SHROOM3: variants seen among roughly 807,000 people sequenced by gnomAD.
SHROOM3 encodes shroom family member 3.
In SHROOM3, 47 loss-of-function variants were observed where a neutral mutation model predicts 138.6. The observed-to-expected ratio is 0.34, with a 90% CI of 0.27 to 0.43. The LOEUF (loss-of-function observed/expected upper bound fraction) is 0.43, where lower values mean the gene tolerates loss of function less well. Ranked by LOEUF, SHROOM3 falls within the 20% of genes least tolerant of loss-of-function variation. The pLI, the probability that SHROOM3 is intolerant of heterozygous loss-of-function variation, is 1.00. For synonymous variants in SHROOM3, 1,062 were observed against 1,063.3 expected, an observed-to-expected ratio of 1.00 and a Z score of 0.02; for missense variants, 2,491 against 2,596.5, an observed-to-expected ratio of 0.96 and a Z score of 0.88.
intron 1 of SHROOM3, among the ~76,000 whole-genome samples, chr4:76,444,212 G>A (rs1404240367): frequency 6.6e-6 from 1 of 151,792 alleles, no homozygotes; most frequent in Non-Finnish European, 1.5e-5. Flanking sequence ...ACCACGCCTG[G>A]CCTAAACCTT....
Position 76,739,682 on chromosome 4 carries a change from C to G in SHROOM3, c.1509C>G (p.Ala503=). ...TGGCCAAGGAGAGTGGATACATAGCCCCTCAGGGAGCATGCAACAAGATGG... is the reference window on the plus strand; with the variant it reads ...TGGCCAAGGAGAGTGGATACATAGCGCCTCAGGGAGCATGCAACAAGATGG... ...PALAKESGYI[A]PQGACNKMAT... The change falls in exon 5 of 11, where the codon GCC becomes GCG. Residue 503 remains alanine (A), a synonymous_variant. Transcript: ENST00000296043. 1 of 1,614,152 alleles carries G rather than the reference C, an allele frequency of 6.2e-7. No homozygotes were observed. Among genetic ancestry groups the G allele is most frequent in the Admixed American group, 1.7e-5 (1 of 60,018 alleles).
chr4:76,599,913 C>T (rs954995455), intron 2 of SHROOM3, among the ~76,000 whole-genome samples: 2 of 152,132 alleles, frequency 1.3e-5, no homozygotes, highest in African/African-American at 4.8e-5. Flanking sequence ...CCTGGAATCC[C>T]AGCACTTTGG....
intron 1 of SHROOM3, among the ~76,000 whole-genome samples, chr4:76,437,064 C>T (rs1730577841): frequency 6.6e-6 from 1 of 152,050 alleles, no homozygotes; most frequent in Non-Finnish European, 1.5e-5. Flanking sequence ...ATATGGATTG[C>T]ATTTGAGCTC....
intron 1 of SHROOM3, among the ~76,000 whole-genome samples, chr4:76,524,426 G>A (rs1732636580): frequency 6.6e-6 from 1 of 152,208 alleles, no homozygotes; most frequent in Admixed American, 6.5e-5. Flanking sequence ...AGACTGACTG[G>A]GGTGGACAGG....
chr4:76,490,365 A>G (rs184362532), intron 1 of SHROOM3, among the ~76,000 whole-genome samples: 5 of 152,270 alleles, frequency 3.3e-5, no homozygotes, highest in African/African-American at 1.2e-4. Context: ...CCCATCTGAC[A>G]TGCAGAAAAG....
chr4:76,587,930 G>A (rs1035848735), intron 2 of SHROOM3, among the ~76,000 whole-genome samples: 4 of 152,110 alleles, frequency 2.6e-5, no homozygotes, highest in African/African-American at 4.8e-5. Flanking sequence ...ATCTACCTTC[G>A]GTTATGAATT....
At chr4:76,482,355 C>G (rs181077199) in intron 1 of SHROOM3, among the ~76,000 whole-genome samples, 117 of 152,214 alleles carry the variant, frequency 7.7e-4, no homozygotes, top group Non-Finnish European at 7.8e-4. Flanking sequence ...TTCCTATATA[C>G]CAATAATAGA....
At chr4:76,670,289 C>T (rs564812502) in intron 2 of SHROOM3, among the ~76,000 whole-genome samples, 2 of 152,294 alleles carry the variant, frequency 1.3e-5, no homozygotes, top group African/African-American at 4.8e-5. Context: ...AAACATGCTA[C>T]AACACAGACG....
intron 2 of SHROOM3, among the ~76,000 whole-genome samples, chr4:76,621,078 A>G (rs1734994409): frequency 6.6e-6 from 1 of 151,976 alleles, no homozygotes; most frequent in African/African-American, 2.4e-5. Flanking sequence ...AGCTGGTTTC[A>G]GTGGGATTTC....
At chr4:76,713,111 C>T (rs1026122339) in intron 3 of SHROOM3, among the ~76,000 whole-genome samples, 12 of 152,168 alleles carry the variant, frequency 7.9e-5, no homozygotes, top group African/African-American at 1.9e-4. Context: ...ACGTGAAGGC[C>T]GGTACTGTGC....
chr4:76,619,879 T>C (rs1158013019), intron 2 of SHROOM3, among the ~76,000 whole-genome samples: 1 of 151,820 alleles, frequency 6.6e-6, no homozygotes, highest in Non-Finnish European at 1.5e-5. Context: ...CTGGCCAACA[T>C]GGCAAAACCC....
chr4:76,512,899 G>A (rs1480209454), intron 1 of SHROOM3, among the ~76,000 whole-genome samples: 1 of 152,200 alleles, frequency 6.6e-6, no homozygotes, highest in Non-Finnish European at 1.5e-5. Context: ...GAAGAAACAA[G>A]GTGGATTGGA....
Position 76,762,773 on chromosome 4 carries a change from T to C in SHROOM3, c.5349+3078T>C, listed in dbSNP as rs947396070. ...CACTGTGTCTGCTTTCCTGGAACTT[T>C]AGACTGGCAAGAGAGGTGGATTATT... On this transcript the variant is annotated intron_variant, in intron 9 of 10. Coordinates refer to ENST00000296043, the MANE Select transcript of SHROOM3 (RefSeq NM_020859.4). 1.1e-4 allele frequency among the ~76,000 whole-genome samples: 17 copies of C among 152,184 alleles called. 1 individual carries two copies. The highest frequency in any genetic ancestry group is 1.1e-3 in the Admixed American group (17 of 15,286).
chr4:76,524,826 C>T (rs752986975), intron 1 of SHROOM3, among the ~76,000 whole-genome samples: 44 of 152,124 alleles, frequency 2.9e-4, no homozygotes, highest in Non-Finnish European at 4.9e-4. Context: ...CCAGGGGTTA[C>T]GGTAACACAC....
chr4:76,484,323 G>A (rs369944569), intron 1 of SHROOM3, among the ~76,000 whole-genome samples: 7 of 152,010 alleles, frequency 4.6e-5, no homozygotes, highest in Admixed American at 2.6e-4. Context: ...TGTCATCCCC[G>A]CACTTTGAGA....
At chr4:76,554,320 T>A (rs1342815955) in intron 1 of SHROOM3, among the ~76,000 whole-genome samples, 1 of 152,198 alleles carries the variant, frequency 6.6e-6, no homozygotes, top group Admixed American at 6.5e-5. Flanking sequence ...TAATATTCCA[T>A]TGTCTGAATG....
chr4:76,779,807 A>G lies in SHROOM3; in HGVS notation c.*630A>G, dbSNP rs929881097. 2 of 152,934 alleles carry G rather than the reference A, an allele frequency of 1.3e-5. No homozygotes were observed. Among genetic ancestry groups the G allele is most frequent in the African/African-American group, 4.8e-5 (2 of 41,470 alleles). The allele number at this position is 152,934 out of a possible 1,614,324, so 9.5% of individuals were successfully genotyped here. On this transcript the variant is annotated 3_prime_UTR_variant, in exon 11 of 11. Transcript: ENST00000296043. ...CCAAAGATAGTCACGTTGAGCGTGA[A>G]GACTTTTTTTCTTACATTCCTGTCT...
chr4:76,480,108 A>T (rs977067656), intron 1 of SHROOM3, among the ~76,000 whole-genome samples: 2 of 152,366 alleles, frequency 1.3e-5, no homozygotes, highest in East Asian at 3.9e-4. Flanking sequence ...TACTGACAGG[A>T]TCAAATTCAC....
chr4:76,461,943 G>A (rs917703151), intron 1 of SHROOM3, among the ~76,000 whole-genome samples: 1 of 152,202 alleles, frequency 6.6e-6, no homozygotes, highest in African/African-American at 2.4e-5. Flanking sequence ...AGTCTTTGGT[G>A]GTGGCATTAA....
Sources: allele counts gnomAD v4.1 joint callset (sites outside exome capture counted in the v4.1 genomes callset), GRCh38; gene constraint gnomAD v4.1.1; transcripts MANE v1.5; gene names NCBI Gene and HGNC (gene_info 2026-07-23, HGNC 2026-07-21).